CPSF3: variants seen among roughly 807,000 people sequenced by gnomAD.
CPSF3 encodes cleavage and polyadenylation specific factor 3.
CPSF3 carries 57 observed loss-of-function variants against 84.1 expected under a neutral mutation model. That is an observed-to-expected ratio of 0.68 (90% CI 0.55 to 0.85). The LOEUF (loss-of-function observed/expected upper bound fraction) is 0.85. Ranked by LOEUF, CPSF3 falls within the 40% of genes least tolerant of loss-of-function variation. The pLI is 0.00. For missense variants in CPSF3, 522 were observed against 838.8 expected, an observed-to-expected ratio of 0.62 and a Z score of 4.66; for synonymous variants, 275 against 278.1, an observed-to-expected ratio of 0.99 and a Z score of 0.11.
intron 5 of CPSF3, 33 bp from the exon 6 acceptor site, chr2:9,433,838 A>G: frequency 6.8e-7 from 1 of 1,471,368 alleles, no homozygotes; most frequent in Non-Finnish European, 9.4e-7. Flanking sequence ...GCCTTCCCCA[A>G]ATCCTAACTT....
intron 16 of CPSF3, among the ~76,000 whole-genome samples, chr2:9,469,456 C>T (rs1177552547): frequency 2.0e-5 from 3 of 152,124 alleles, no homozygotes; most frequent in Non-Finnish European, 2.9e-5. Context: ...ATAGAAAACC[C>T]GTGTGGCCCT....
At chr2:9,431,544 T>C (rs1680590619) in intron 4 of CPSF3, among the ~76,000 whole-genome samples, 2 of 99,204 alleles carry the variant, frequency 2.0e-5, no homozygotes, top group African/African-American at 4.3e-5. Flanking sequence ...TTTTTTCTTT[T>C]TTTTTTTCTT....
At position 9,456,927 on chromosome 2, in the gene CPSF3, T is replaced by G. The variant is rs147245670; in HGVS notation, c.1604-6T>G. The G allele has an allele frequency of 1.1e-4, 163 of 1,539,102 alleles. 1 individual carries two copies. The Admixed American group carries it at 2.9e-3, about 27-fold the overall frequency. ...TATACATCTTATAGTTATGTCTTTC[T>G]TTCAGGTGATGTGGAAGAATTAGAA... On this transcript the variant is annotated splice_region_variant and splice_polypyrimidine_tract_variant and intron_variant, in intron 13 of 17. Transcript: ENST00000238112.
chr2:9,456,188 A>G (rs1468965405), intron 13 of CPSF3, among the ~76,000 whole-genome samples: 2 of 150,500 alleles, frequency 1.3e-5, no homozygotes, highest in African/African-American at 5.0e-5. Flanking sequence ...ATAAGAGTTC[A>G]TGACCACTGG....
In CPSF3 at chr2:9,472,840, TAA is replaced by T. The variant is rs879008868; in HGVS notation, c.1954-74_1954-73del. 44 of 1,023,698 alleles carry T rather than the reference TAA, an allele frequency of 4.3e-5. 1 individual carries two copies. The South Asian group carries it at 5.0e-4, about 12-fold the overall frequency. The allele number at this position is 1,023,698 out of a possible 1,614,324, so 63.4% of individuals were successfully genotyped here. ...ATTTTTTATGAGATGATGGTTTTTT[TAA>T]AGAGTATTCATTTATCTTCTATATA... is the stretch of plus-strand genomic sequence containing the variant. On this transcript the variant is annotated intron_variant, in intron 17 of 17. Transcript: ENST00000238112.
intron 2 of CPSF3, among the ~76,000 whole-genome samples, 155 bp from the exon 3 acceptor site, chr2:9,429,768 T>C (rs968863000): frequency 1.3e-5 from 2 of 152,256 alleles, no homozygotes; most frequent in African/African-American, 4.8e-5. Context: ...GTTAATGGCA[T>C]ATTTGCCACA....
intron 17 of CPSF3, 123 bp downstream of exon 17, chr2:9,471,562 A>C (rs1682165150): frequency 2.4e-5 from 16 of 663,392 alleles, no homozygotes; most frequent in South Asian, 2.4e-4. Context: ...CAGTGTTTCC[A>C]ACATTTTTTT....
intron 7 of CPSF3, among the ~76,000 whole-genome samples, chr2:9,439,189 C>G (rs1026242895): frequency 1.2e-4 from 19 of 152,132 alleles, no homozygotes; most frequent in South Asian, 4.1e-4. Context: ...GAATAACATT[C>G]ACACAATAAT....
In CPSF3 at chr2:9,441,902, T is replaced by C; in HGVS notation, c.1021T>C (p.Phe341Leu). 3.1e-6 allele frequency: 5 copies of C among 1,614,204 alleles called. No homozygotes were observed. The highest frequency in any genetic ancestry group is 1.7e-4 in the Middle Eastern group (1 of 6,060). ...MMQSGLSREL[F>L]ESWCTDKRNG... The stretch of plus-strand genomic sequence containing the variant: ...GCAAAGTGGCTTATCCAGAGAATTA[T>C]TTGAAAGCTGGTGTACTGATAAGAG... The change falls in exon 9 of 18, where the codon TTT (phenylalanine) becomes CTT (leucine). Residue 341 changes from phenylalanine (F) to leucine (L), a missense_variant. Physicochemically the swap from Phe to Leu is conservative, Grantham distance 22. Coordinates refer to ENST00000238112, the MANE Select transcript of CPSF3 (RefSeq NM_016207.4).
At chr2:9,466,318 ACGCACACAGACGCACGCACACACGCG>A (rs1681946748) in intron 15 of CPSF3, among the ~76,000 whole-genome samples, 1 of 83,592 alleles carries the variant, frequency 1.2e-5, no homozygotes, top group Non-Finnish European at 3.1e-5. Context: ...ACACTGACGC[ACGCACACAGACGCACGCACACACGCG>A]CGCGCGCGCA....
At chr2:9,439,676 C>G (rs1474069423) in intron 7 of CPSF3, among the ~76,000 whole-genome samples, 1 of 152,012 alleles carries the variant, frequency 6.6e-6, no homozygotes, top group African/African-American at 2.4e-5. Flanking sequence ...TTATCAGAAA[C>G]TGGTTAGTAG....
intron 2 of CPSF3, among the ~76,000 whole-genome samples, chr2:9,429,242 C>T (rs189628972): frequency 1.3e-5 from 2 of 152,318 alleles, no homozygotes; most frequent in East Asian, 3.9e-4. Context: ...CTGGGGCTGC[C>T]GGCCTTGGCC....
chr2:9,444,732 C>T (rs1025326113), intron 10 of CPSF3, among the ~76,000 whole-genome samples: 1 of 152,104 alleles, frequency 6.6e-6, no homozygotes, highest in Non-Finnish European at 1.5e-5. Context: ...TGGCGCCAAT[C>T]TCAGCTCACT....
At chr2:9,463,047 C>T (rs765144419) in intron 15 of CPSF3, among the ~76,000 whole-genome samples, 3 of 152,324 alleles carry the variant, frequency 2.0e-5, no homozygotes, top group Middle Eastern at 3.4e-3. Context: ...AGGCATGCCT[C>T]AAAGTGCTTA....
intron 12 of CPSF3, 52 bp from the exon 13 acceptor site, chr2:9,455,606 AT>A: frequency 8.3e-7 from 1 of 1,203,544 alleles, no homozygotes; most frequent in Non-Finnish European, 1.2e-6. Context: ...TGCTCCTGGT[AT>A]GTGTTTTGTA....
chr2:9,443,752 A>G, intron 10 of CPSF3, 91 bp downstream of exon 10: 2 of 1,388,138 alleles, frequency 1.4e-6, no homozygotes, highest in Middle Eastern at 1.8e-4. Flanking sequence ...AGCAGGCATC[A>G]TCACCTACTA....
At chr2:9,444,867 T>C (rs771824342) in intron 10 of CPSF3, among the ~76,000 whole-genome samples, 1 of 152,068 alleles carries the variant, frequency 6.6e-6, no homozygotes, top group African/African-American at 2.4e-5. Flanking sequence ...GTTTTCACCA[T>C]GTTGGCCAGG....
At chr2:9,461,669 C>CA (rs1181005400) in intron 15 of CPSF3, among the ~76,000 whole-genome samples, 32 of 126,368 alleles carry the variant, frequency 2.5e-4, no homozygotes, top group South Asian at 5.1e-4. Context: ...TACTCCATCT[C>CA]AAAAAAAAAA....
intron 7 of CPSF3, among the ~76,000 whole-genome samples, chr2:9,438,685 G>A (rs909429481): frequency 6.6e-6 from 1 of 151,598 alleles, no homozygotes; most frequent in African/African-American, 2.4e-5. Context: ...TAGTAGAGAC[G>A]AGGTTTCACC....
Sources: gnomAD v4.1 joint callset for allele counts (sites outside exome capture counted in the v4.1 genomes callset) on GRCh38, gnomAD v4.1.1 for gene constraint, MANE v1.5 for transcripts, NCBI Gene and HGNC (gene_info 2026-07-23, HGNC 2026-07-21) for gene names.